The following SMIM14 variants were observed in gnomAD, a reference collection of about 807,000 sequenced individuals.
SMIM14 encodes chromosome 4 open reading frame 34.
A neutral mutation model predicts 12.6 loss-of-function variants in SMIM14; 5 were observed. That is an observed-to-expected ratio of 0.40 (90% confidence interval 0.21 to 0.83). SMIM14 has a LOEUF of 0.83. Among genes scored for constraint, SMIM14 ranks in the 40% least tolerant of loss-of-function variants. The pLI, the probability that SMIM14 is intolerant of heterozygous loss-of-function variation, is 0.37. For synonymous variants in SMIM14, 30 were observed against 40.1 expected (o/e 0.75, Z 0.95); for missense variants, 86 against 119.1 (o/e 0.72, Z 1.29).
intron 1 of SMIM14, among the ~76,000 whole-genome samples, chr4:39,606,136 A>C (rs1714795381): frequency 6.6e-6 from 1 of 151,480 alleles, no homozygotes; most frequent in African/African-American, 2.4e-5. Flanking sequence ...ACTTGAGCCC[A>C]GGAGTTTGAG....
At chr4:39,588,220 A>G (rs1713882433) in intron 2 of SMIM14, among the ~76,000 whole-genome samples, 1 of 152,140 alleles carries the variant, frequency 6.6e-6, no homozygotes, top group African/African-American at 2.4e-5. Flanking sequence ...GAAATTTGTT[A>G]TACAATAATA....
At chr4:39,615,809 T>C (rs973502711) in intron 1 of SMIM14, among the ~76,000 whole-genome samples, 2 of 152,220 alleles carry the variant, frequency 1.3e-5, no homozygotes, top group Non-Finnish European at 2.9e-5. Context: ...AGCCTACTTT[T>C]GTGTATATTT....
chr4:39,631,670 A>AT (rs140913995), intron 1 of SMIM14, among the ~76,000 whole-genome samples: 84,697 of 151,196 alleles, frequency 0.56, 24,437 homozygotes, highest in East Asian at 0.79. Flanking sequence ...AAAAAAAAAA[A>AT]AAATAAATAT....
In SMIM14 at chr4:39,567,013, G is replaced by A. The variant is rs1354765740; in HGVS notation, c.124+5402C>T. Among the ~76,000 whole-genome samples the A allele has an allele frequency of 2.0e-5, 3 of 151,938 alleles. No individual in the cohort carries two copies. The East Asian group carries it at 5.8e-4, about 29-fold the overall frequency. ...TAGCTGGGGATGCTGGTACACGCTT[G>A]TAATCCCAGCTACTTGGGAGGCTGA... On this transcript the variant is annotated intron_variant, in intron 3 of 4. Coordinates refer to ENST00000295958, the MANE Select transcript of SMIM14 (RefSeq NM_174921.3).
intron 2 of SMIM14, 87 bp from the exon 3 acceptor site, chr4:39,572,550 G>T: frequency 1.7e-6 from 2 of 1,160,870 alleles, no homozygotes; most frequent in Non-Finnish European, 2.6e-6. Context: ...TTGGCCGGGT[G>T]CGGTGGCTCA....
intron 3 of SMIM14, among the ~76,000 whole-genome samples, chr4:39,557,910 T>C (rs796177017): frequency 9.8e-5 from 15 of 152,286 alleles, no homozygotes; most frequent in African/African-American, 3.4e-4. Context: ...AATTTGACCT[T>C]CTTTTTCACA....
Position 39,548,120 on chromosome 4 carries a change from G to C in SMIM14, c.*4006C>G, listed in dbSNP as rs571570921. The C allele has an allele frequency of 6.6e-6, 1 of 152,186 alleles. No individual in the cohort carries two copies. Among genetic ancestry groups the C allele is most frequent in the African/African-American group, 2.4e-5 (1 of 41,508 alleles). 9.4% of individuals were successfully genotyped at this position (152,186 alleles called of 1,614,324 possible). On this transcript the variant is annotated 3_prime_UTR_variant, in exon 5 of 5. Coordinates refer to ENST00000295958, the MANE Select transcript of SMIM14 (RefSeq NM_174921.3). Reference sequence around the variant, plus strand: ...GAGTTTTTCCATGTTGGCCAGGCTGGTCTCGAACTCCTGACCTCAGGTGAT... The same window carrying C: ...GAGTTTTTCCATGTTGGCCAGGCTGCTCTCGAACTCCTGACCTCAGGTGAT...
rs149336158 is a variant in SMIM14 at position 39,578,793 on chromosome 4, C to T, written c.76-6330G>A. Among the ~76,000 whole-genome samples, 487 of 151,800 alleles carry T rather than the reference C, an allele frequency of 3.2e-3. 3 individuals carry two copies. The highest frequency in any genetic ancestry group is 0.011 in the African/African-American group (458 of 41,430). On this transcript the variant is annotated intron_variant, in intron 2 of 4. Coordinates refer to ENST00000295958, the MANE Select transcript of SMIM14 (RefSeq NM_174921.3). The stretch of plus-strand genomic sequence containing the variant: ...GGTGGATCGCCTGAGGTCAGGAGTT[C>T]GAGACAAGCCTGGCCAAAATGGTGT...
At chr4:39,564,734 G>C (rs1489594711) in intron 3 of SMIM14, among the ~76,000 whole-genome samples, 1 of 152,172 alleles carries the variant, frequency 6.6e-6, no homozygotes, top group East Asian at 1.9e-4. Flanking sequence ...TCACTAAGAA[G>C]GCACTCTGGA....
chr4:39,637,697 G>A (rs1014748537), intron 1 of SMIM14, among the ~76,000 whole-genome samples: 2 of 152,220 alleles, frequency 1.3e-5, no homozygotes, highest in Middle Eastern at 3.4e-3. Flanking sequence ...CTACACTAAA[G>A]GAATCTGCGC....
chr4:39,575,525 A>AT (rs1713122936), intron 2 of SMIM14, among the ~76,000 whole-genome samples: 1 of 151,662 alleles, frequency 6.6e-6, no homozygotes, highest in Admixed American at 6.6e-5. Context: ...AATATGCTGT[A>AT]TATCTTAACC....
chr4:39,569,608 A>T (rs890874506), intron 3 of SMIM14, among the ~76,000 whole-genome samples: 2 of 152,088 alleles, frequency 1.3e-5, no homozygotes, highest in Admixed American at 6.6e-5. Context: ...ACGGTGGCTC[A>T]TGCCTGTAAT....
chr4:39,560,624 G>A (rs1171188903), intron 3 of SMIM14, among the ~76,000 whole-genome samples: 1 of 151,712 alleles, frequency 6.6e-6, no homozygotes, highest in Non-Finnish European at 1.5e-5. Flanking sequence ...CCAGCCTGGC[G>A]ACAGAGCAAG....
At chr4:39,579,782 TG>T (rs1713400393) in intron 2 of SMIM14, among the ~76,000 whole-genome samples, 1 of 145,232 alleles carries the variant, frequency 6.9e-6, no homozygotes, top group South Asian at 2.1e-4. Flanking sequence ...AGGCAGAGGT[TG>T]CAGTGAGCCG....
chr4:39,578,085 T>C (rs1384803475), intron 2 of SMIM14, among the ~76,000 whole-genome samples: 2 of 152,212 alleles, frequency 1.3e-5, no homozygotes, highest in Admixed American at 6.5e-5. Context: ...AATCGTAGTC[T>C]TTTAAAGCAT....
At chr4:39,553,524 T>C (rs1020045719) in intron 4 of SMIM14, among the ~76,000 whole-genome samples, 3 of 151,500 alleles carry the variant, frequency 2.0e-5, no homozygotes, top group Non-Finnish European at 2.9e-5. Context: ...CAAGCTGTTT[T>C]ATAAATACTC....
chr4:39,620,824 G>T (rs1451448926), intron 1 of SMIM14, among the ~76,000 whole-genome samples: 1 of 152,108 alleles, frequency 6.6e-6, no homozygotes, highest in Non-Finnish European at 1.5e-5. Context: ...GAATAAACAA[G>T]TTTTTCAAAA....
At chr4:39,589,188 G>A (rs1713932522) in intron 2 of SMIM14, among the ~76,000 whole-genome samples, 1 of 152,198 alleles carries the variant, frequency 6.6e-6, no homozygotes, top group South Asian at 2.1e-4. Flanking sequence ...CTGGGCTCAA[G>A]CAATTTTCCT....
intron 1 of SMIM14, chr4:39,611,985 G>A (rs1255358908): frequency 6.6e-6 from 1 of 151,852 alleles, no homozygotes; most frequent in African/African-American, 2.4e-5. Flanking sequence ...GGGGAGAAGG[G>A]GAGGTGAGAA....
Sources: allele counts gnomAD v4.1 joint callset (sites outside exome capture counted in the v4.1 genomes callset), GRCh38; gene constraint gnomAD v4.1.1; transcripts MANE v1.5; gene names NCBI Gene and HGNC (gene_info 2026-07-23, HGNC 2026-07-21).